GSDME: variants seen among roughly 807,000 people sequenced by gnomAD.
GSDME encodes gasdermin-E.
In GSDME, 44 loss-of-function variants were observed where a neutral mutation model predicts 47.5. The ratio of observed to expected loss-of-function variants is 0.93; its 90% CI spans 0.73 to 1.19. The LOEUF (loss-of-function observed/expected upper bound fraction) is 1.19, where lower values mean the gene tolerates loss of function less well. GSDME is among the 50% of genes most tolerant of loss of function. GSDME has a pLI of 0.00. For synonymous variants in GSDME, 258 were observed against 252.8 expected, an observed-to-expected ratio of 1.02 and a Z score of -0.20; for missense variants, 663 against 604.2, an observed-to-expected ratio of 1.10 and a Z score of -1.02.
chr7:24,783,343 G>C, the GSDME span, among the ~76,000 whole-genome samples: 1 of 152,088 alleles, frequency 6.6e-6, no homozygotes, highest in African/African-American at 2.4e-5. Context: ...GTATAAAATG[G>C]GGACAGTAAG....
At chr7:24,723,981 A>ACTTGTCCTG (rs1562700960) in intron 3 of GSDME, among the ~76,000 whole-genome samples, 1 of 151,928 alleles carries the variant, frequency 6.6e-6, no homozygotes, top group Non-Finnish European at 1.5e-5. Context: ...TTCTTCCCCA[A>ACTTGTCCTG]CTTGTCCTGA....
chr7:24,727,759 C>T (rs185360948), intron 3 of GSDME, among the ~76,000 whole-genome samples: 85 of 152,352 alleles, frequency 5.6e-4, no homozygotes, highest in South Asian at 2.9e-3. Flanking sequence ...GTAACTGCCC[C>T]CCTAAAATCC....
the GSDME span, among the ~76,000 whole-genome samples, chr7:24,766,416 C>CA: frequency 6.6e-6 from 1 of 151,998 alleles, no homozygotes; most frequent in East Asian, 1.9e-4. The surrounding 1 kb of genome is among the most constrained non-coding windows in gnomAD (Gnocchi z 4.2). Context: ...AACCCATCAT[C>CA]TACATTAGGC....
the GSDME span, among the ~76,000 whole-genome samples, chr7:24,781,873 A>T: frequency 6.6e-6 from 1 of 151,970 alleles, no homozygotes; most frequent in Non-Finnish European, 1.5e-5. Flanking sequence ...CCTACCAAGT[A>T]GTTGGAACTA....
At chr7:24,707,773 T>G (rs1174152267) in intron 7 of GSDME, 2 of 475,030 alleles carry the variant, frequency 4.2e-6, no homozygotes, top group Non-Finnish European at 7.5e-6. Flanking sequence ...CTAGGAGCCA[T>G]CCGCAGCTGG....
At position 24,745,025 on chromosome 7, in the gene GSDME, GT is replaced by G. The variant is rs1790620581; in HGVS notation, c.212-272del. Among the ~76,000 whole-genome samples, 4 of 143,026 alleles carry G rather than the reference GT, an allele frequency of 2.8e-5. No homozygotes were observed. The highest frequency in any genetic ancestry group is 1.2e-4 in the African/African-American group (4 of 34,220). 93.8% of individuals were successfully genotyped at this position (143,026 alleles called of 152,430 possible). On this transcript the variant is annotated intron_variant, in intron 2 of 9. Coordinates refer to ENST00000645220, the MANE Select transcript of GSDME (RefSeq NM_001127453.2). This position sits in a 1 kb window ranked among gnomAD's most constrained non-coding sequence, Gnocchi z 4.4. ...TGTGTGTGTGTGTGTGTGTGTGTGTGTGTGTGTGTGGACCACGGGCACACAG... is the reference window on the plus strand; with the variant it reads ...TGTGTGTGTGTGTGTGTGTGTGTGTGGTGTGTGTGGACCACGGGCACACAG...
rs66692319 is a variant in GSDME, at chr7:24,749,497, C to CA, written c.211+66dup. The CA allele has an allele frequency of 0.11, 116,821 of 1,089,122 alleles. 2,016 individuals are homozygous for CA. Among genetic ancestry groups the CA allele is most frequent in the African/African-American group, 0.27 (14,303 of 52,534 alleles). The allele number at this position is 1,089,122 out of a possible 1,614,324, so 67.5% of individuals were successfully genotyped here. A position where few individuals can be genotyped will look rare whatever the true frequency, so the allele number is the denominator to read the frequency against. ...AGCATGGGCGACAGAGACTCTGTGTCAAAAAAAAAAAAAAAAAGGATCATC... is the reference window on the plus strand; with the variant it reads ...AGCATGGGCGACAGAGACTCTGTGTCAAAAAAAAAAAAAAAAAAGGATCATC... On this transcript the variant is annotated intron_variant, in intron 2 of 9. Coordinates refer to ENST00000645220, the MANE Select transcript of GSDME (RefSeq NM_001127453.2).
At position 24,699,196 on chromosome 7, in the gene GSDME, C is replaced by T; in HGVS notation, c.1321G>A (p.Asp441Asn). Residue 441 changes from aspartate to asparagine, a missense_variant, in exon 10 of 10, where the codon GAT becomes AAT. Asp to Asn is a conservative substitution (Grantham distance 23). Transcript: ENST00000645220. ...LEDPTLTPLK[D>N]TERFGIVQRL... Reference sequence around the variant, plus strand: ...TGCACAATCCCAAACCTTTCTGTATCTTTCAGGGGAGTCAAGGTTGGGTCT... The same window carrying T: ...TGCACAATCCCAAACCTTTCTGTATTTTTCAGGGGAGTCAAGGTTGGGTCT... 6.2e-7 allele frequency: 1 copy of T among 1,614,180 alleles called. No homozygotes were observed. Among genetic ancestry groups the T allele is most frequent in the South Asian group, 1.1e-5 (1 of 91,080 alleles).
intron 3 of GSDME, among the ~76,000 whole-genome samples, chr7:24,720,720 A>G (rs1338004155): frequency 6.6e-6 from 1 of 152,202 alleles, no homozygotes; most frequent in African/African-American, 2.4e-5. Context: ...GTTCGAGACC[A>G]GCCTGACCAA....
the GSDME span, among the ~76,000 whole-genome samples, chr7:24,782,198 T>C: frequency 7.9e-5 from 12 of 150,960 alleles, no homozygotes; most frequent in African/African-American, 2.2e-4. Context: ...GTATATCTCC[T>C]AATGCTATCC....
chr7:24,762,807 C>T (rs956269790), upstream of GSDME, among the ~76,000 whole-genome samples: 1 of 120,254 alleles, frequency 8.3e-6, no homozygotes, highest in African/African-American at 3.3e-5. Context: ...ATTTCCTACT[C>T]GGTAAACAGT....
chr7:24,779,484 G>C, the GSDME span, among the ~76,000 whole-genome samples: 1 of 126,820 alleles, frequency 7.9e-6, no homozygotes, highest in East Asian at 2.5e-4. The surrounding 1 kb of genome is among the most constrained non-coding windows in gnomAD (Gnocchi z 6.0). Flanking sequence ...TCCCAGGGTG[G>C]GGAAGTGATA....
In GSDME at chr7:24,739,828, C is replaced by T. The variant is rs115789645; in HGVS notation, c.404+4734G>A. Among the ~76,000 whole-genome samples the T allele has an allele frequency of 4.2e-3, 641 of 152,232 alleles. 9 individuals are homozygous for T. The highest frequency in any genetic ancestry group is 0.015 in the African/African-American group (607 of 41,532). Reference sequence around the variant, plus strand: ...TAAGATCCTGGGCTGGGCGCAGTGGCTCACGCCCATAATCCTAGCACTTTG... The same window carrying T: ...TAAGATCCTGGGCTGGGCGCAGTGGTTCACGCCCATAATCCTAGCACTTTG... On this transcript the variant is annotated intron_variant, in intron 3 of 9. Coordinates refer to ENST00000645220, the MANE Select transcript of GSDME (RefSeq NM_001127453.2). This position sits in a 1 kb window ranked among gnomAD's most constrained non-coding sequence, Gnocchi z 5.1.
upstream of GSDME, among the ~76,000 whole-genome samples, chr7:24,760,908 A>G (rs1320129520): frequency 2.0e-4 from 30 of 152,256 alleles, no homozygotes; most frequent in Admixed American, 2.0e-3. The surrounding 1 kb of genome is among the most constrained non-coding windows in gnomAD (Gnocchi z 4.2). Context: ...ATTGCAAGGC[A>G]CGGATACAGA....
rs974137405 is a variant in GSDME, at chr7:24,733,815, G to C, written c.404+10747C>G. Among the ~76,000 whole-genome samples the C allele has an allele frequency of 6.6e-6, 1 of 152,174 alleles. No homozygotes were observed. The highest frequency in any genetic ancestry group is 2.4e-5 in the African/African-American group (1 of 41,450). On this transcript the variant is annotated intron_variant, in intron 3 of 9. Coordinates refer to ENST00000645220, the MANE Select transcript of GSDME (RefSeq NM_001127453.2). The surrounding 1 kb of genome is among the most constrained non-coding windows in gnomAD (Gnocchi z 4.3). ...TTCCAACTCGAGGCCCTGACTCCTG[G>C]ACAGCATCTCTGGACCCACCTGGGG... is the stretch of plus-strand genomic sequence containing the variant.
At chr7:24,702,913 C>CTT in intron 8 of GSDME, 80 bp from the exon 9 acceptor site, 3 of 1,263,832 alleles carry the variant, frequency 2.4e-6, no homozygotes, top group East Asian at 4.8e-5. Context: ...TGGCACCTAA[C>CTT]TTATATTTTA....
Position 24,735,684 on chromosome 7 carries a change from G to T in GSDME, c.404+8878C>A, listed in dbSNP as rs1790281506. Among the ~76,000 whole-genome samples, 1 of 151,964 alleles carries T rather than the reference G, an allele frequency of 6.6e-6. No homozygotes were observed. Among genetic ancestry groups the T allele is most frequent in the Non-Finnish European group, 1.5e-5 (1 of 68,002 alleles). On this transcript the variant is annotated intron_variant, in intron 3 of 9. Transcript: ENST00000645220. This position sits in a 1 kb window ranked among gnomAD's most constrained non-coding sequence, Gnocchi z 4.4. ...GAGGCAGGAGAATCACTGGAACCTG[G>T]GAGGTAGAGGTTGCGATGAGCCGAG... is the stretch of plus-strand genomic sequence containing the variant.
intron 3 of GSDME, among the ~76,000 whole-genome samples, chr7:24,722,996 C>G (rs1194773264): frequency 6.6e-6 from 1 of 152,184 alleles, no homozygotes; most frequent in Non-Finnish European, 1.5e-5. Flanking sequence ...GTCACACAGC[C>G]ACAGCTCATG....
the GSDME span, among the ~76,000 whole-genome samples, chr7:24,769,283 G>A: frequency 6.6e-6 from 1 of 152,178 alleles, no homozygotes; most frequent in Non-Finnish European, 1.5e-5. Context: ...GAAGCTCAGG[G>A]TGGACAAGTC....
Sources: allele counts gnomAD v4.1 joint callset (sites outside exome capture counted in the v4.1 genomes callset), GRCh38; gene constraint gnomAD v4.1.1; non-coding constraint Gnocchi (gnomAD v3.1); transcripts MANE v1.5; gene names NCBI Gene and HGNC (gene_info 2026-07-23, HGNC 2026-07-21).